HEATR1: variants seen among roughly 807,000 people sequenced by gnomAD.
HEATR1 encodes the protein HEAT repeat containing 1.
HEATR1 carries 77 observed loss-of-function variants against 248.2 expected under a neutral mutation model. That is an observed-to-expected ratio of 0.31 (90% CI 0.26 to 0.37). The LOEUF (loss-of-function observed/expected upper bound fraction) is 0.37. HEATR1 is among the 10% of genes least tolerant of loss of function. HEATR1 has a pLI of 1.00. For missense variants in HEATR1, 2,420 were observed against 2,504.9 expected, an observed-to-expected ratio of 0.97 and a Z score of 0.72; for synonymous variants, 897 against 923.1, an observed-to-expected ratio of 0.97 and a Z score of 0.51.
Position 236,590,830 on chromosome 1 carries a change from AG to A in HEATR1, c.1530+16del, listed in dbSNP as rs762338238. 7 of 1,364,530 alleles carry A rather than the reference AG, an allele frequency of 5.1e-6. No individual in the cohort carries two copies. In the African/African-American group the frequency reaches 1.0e-4, roughly 20 times the overall value. The allele number at this position is 1,364,530 out of a possible 1,614,324, so 84.5% of individuals were successfully genotyped here. On this transcript the variant is annotated intron_variant, in intron 12 of 44. Transcript: ENST00000366582. ...ATAAGAAAAAAAAACCATATAAAAA[AG>A]CGATCTGAAACAAACCTTTGATGTT...
chr1:236,557,765 G>A (rs1420622400), intron 36 of HEATR1, among the ~76,000 whole-genome samples: 1 of 152,172 alleles, frequency 6.6e-6, no homozygotes, highest in Non-Finnish European at 1.5e-5. Context: ...GGCAGCAGAA[G>A]GCAGCTTTGG....
intron 28 of HEATR1, among the ~76,000 whole-genome samples, chr1:236,570,645 T>G (rs1249566082): frequency 6.6e-6 from 1 of 152,174 alleles, no homozygotes; most frequent in African/African-American, 2.4e-5. Context: ...GTGAATTTTA[T>G]GGCATCTGAA....
intron 41 of HEATR1, 31 bp downstream of exon 41, chr1:236,555,265 G>T: frequency 2.5e-6 from 4 of 1,609,280 alleles, no homozygotes; most frequent in South Asian, 1.1e-5. Context: ...CACAGGGCAA[G>T]GGTGACAGCT....
chr1:236,571,841 A>G (rs557809226), intron 26 of HEATR1, among the ~76,000 whole-genome samples, 155 bp from the exon 27 acceptor site: 2 of 152,348 alleles, frequency 1.3e-5, no homozygotes, highest in East Asian at 3.9e-4. Flanking sequence ...TAGAAATAAG[A>G]TATAAGATTT....
rs1388035407 is a variant in HEATR1 at position 236,549,124 on chromosome 1, G to A, written c.*1778C>T. The stretch of plus-strand genomic sequence containing the variant: ...TAAGGGACCCACAAAGCAGGCAGAG[G>A]TAATGCAGAAATCTGTTTTGTTCCC... On this transcript the variant is annotated 3_prime_UTR_variant, in exon 45 of 45. Coordinates refer to ENST00000366582, the MANE Select transcript of HEATR1 (RefSeq NM_018072.6). 1 of 396,974 alleles carries A rather than the reference G, an allele frequency of 2.5e-6. No homozygotes were observed. Among genetic ancestry groups the A allele is most frequent in the African/African-American group, 2.1e-5 (1 of 48,610 alleles). 24.6% of individuals were successfully genotyped at this position (396,974 alleles called of 1,614,324 possible).
At chr1:236,575,609 T>C (rs76995872) in intron 22 of HEATR1, among the ~76,000 whole-genome samples, 3,750 of 152,318 alleles carry the variant, frequency 0.025, 143 homozygotes, top group African/African-American at 0.085. Context: ...TGTAATCAAA[T>C]GGTCTTCAAT....
rs1269595568 is a variant in HEATR1, at chr1:236,595,548, T to C, written c.1082A>G (p.His361Arg). ...LPHLVVSIIH[H>R]VTGEETEGMD... is the part of the protein sequence containing the mutation. ...AATATAAAACCACACACCTGTAACA[T>C]GATGAATGATGGAGACGACCAGATG... The change falls in exon 8 of 45, where the codon CAT becomes CGT. Residue 361 changes from histidine (H) to arginine (R), a missense_variant. By Grantham distance (29) the His-to-Arg change is conservative (BLOSUM62 0). Coordinates refer to ENST00000366582, the MANE Select transcript of HEATR1 (RefSeq NM_018072.6). The C allele has an allele frequency of 6.2e-7, 1 of 1,611,246 alleles. No homozygotes were observed.
chr1:236,563,745 T>C (rs1425381622), intron 32 of HEATR1, among the ~76,000 whole-genome samples: 1 of 152,192 alleles, frequency 6.6e-6, no homozygotes, highest in Non-Finnish European at 1.5e-5. Context: ...TTTCCTTCCT[T>C]TTCTCTCATT....
chr1:236,565,956 G>A lies in HEATR1; in HGVS notation c.4398C>T (p.Ile1466=). 6.2e-7 allele frequency: 1 copy of A among 1,613,826 alleles called. No individual in the cohort carries two copies. The highest frequency in any genetic ancestry group is 8.5e-7 in the Non-Finnish European group (1 of 1,179,880). The change falls in exon 31 of 45, where the codon ATC becomes ATT. Residue 1466 remains isoleucine (I), a synonymous_variant. Coordinates refer to ENST00000366582, the MANE Select transcript of HEATR1 (RefSeq NM_018072.6). ...VQHQIQSLMN[I]LQYLLKLPEE... Reference sequence around the variant, plus strand: ...CTGGCAGCTTTAGTAAGTACTGGAGGATATTCATCAAGCTTTGTATCTGAT... The same window carrying A: ...CTGGCAGCTTTAGTAAGTACTGGAGAATATTCATCAAGCTTTGTATCTGAT...
intron 20 of HEATR1, 50 bp from the exon 21 acceptor site, chr1:236,576,999 C>T: frequency 6.9e-7 from 1 of 1,444,652 alleles, no homozygotes; most frequent in South Asian, 1.4e-5. Flanking sequence ...AAAACTGAAA[C>T]AGTACAAAAT....
At chr1:236,572,321 A>G (rs1663450829) in intron 26 of HEATR1, 90 bp downstream of exon 26, 1 of 1,358,326 alleles carries the variant, frequency 7.4e-7, no homozygotes, top group Non-Finnish European at 1.0e-6. Context: ...TATCTAAACA[A>G]GAGAAGAGTA....
chr1:236,594,241 T>A, intron 8 of HEATR1, 127 bp from the exon 9 acceptor site: 1 of 579,034 alleles, frequency 1.7e-6, no homozygotes, highest in Non-Finnish European at 3.0e-6. Context: ...GCTTTTTATC[T>A]ATTTGCACAA....
At chr1:236,554,525 A>G in intron 42 of HEATR1, 73 bp downstream of exon 42, 1 of 1,311,714 alleles carries the variant, frequency 7.6e-7, no homozygotes, top group Non-Finnish European at 1.1e-6. Flanking sequence ...CTGTCATTTG[A>G]GCAGATCTAA....
At chr1:236,600,013 C>A (rs931004943) in intron 3 of HEATR1, among the ~76,000 whole-genome samples, 13 of 151,080 alleles carry the variant, frequency 8.6e-5, no homozygotes. Context: ...CCACCTAGGT[C>A]TCCTGAGTAG....
At chr1:236,563,366 A>C (rs552585017) in intron 32 of HEATR1, among the ~76,000 whole-genome samples, 6 of 151,818 alleles carry the variant, frequency 4.0e-5, no homozygotes, top group East Asian at 3.9e-4. Context: ...ACTGCAAGCT[A>C]TGCCTCCCGG....
chr1:236,586,275 G>A lies in HEATR1; in HGVS notation c.1893C>T (p.Cys631=). Residue 631 remains cysteine, a synonymous_variant, in exon 15 of 45, where the codon TGC becomes TGT. Transcript: ENST00000366582. ...IAIYLSKSGI[C]SLHPLLRGWE... is the part of the protein sequence containing the mutation. ...AGCCTCTTAATAGAGGGTGCAGGGA[G>A]CAGATTCCTGATTTTGATAAATATA... 14 of 1,612,892 alleles carry A rather than the reference G, an allele frequency of 8.7e-6. No homozygotes were observed. The highest frequency in any genetic ancestry group is 1.2e-5 in the Non-Finnish European group (14 of 1,179,478).
At chr1:236,592,286 A>G (rs1664058717) in intron 10 of HEATR1, among the ~76,000 whole-genome samples, 176 bp from the exon 11 acceptor site, 1 of 152,060 alleles carries the variant, frequency 6.6e-6, no homozygotes, top group South Asian at 2.1e-4. Context: ...TACTATGACT[A>G]CTCCAATAAC....
At chr1:236,552,365 TTTTATAATCTCTTCCTTTAAAAAAAA>T (rs1315206154) in intron 43 of HEATR1, 4 of 251,780 alleles carry the variant, frequency 1.6e-5, no homozygotes, top group Non-Finnish European at 3.0e-5. Flanking sequence ...TGAAATGTCT[TTTTATAATCTCTTCCTTTAAAAAAAA>T]CCAATAAAAT....
Position 236,559,144 on chromosome 1 carries a change from A to C in HEATR1, c.4771-9T>G. On this transcript the variant is annotated splice_polypyrimidine_tract_variant and intron_variant, in intron 34 of 44. Transcript: ENST00000366582. ...GGCAGCAAGGCATTGACCTAAAGAG[A>C]AATTTTATATTTAACATGAAAAGAA... 3.2e-6 allele frequency: 5 copies of C among 1,544,084 alleles called. No homozygotes were observed. Among genetic ancestry groups the C allele is most frequent in the Non-Finnish European group, 4.3e-6 (5 of 1,151,296 alleles).
Sources: gnomAD v4.1 joint callset for allele counts (sites outside exome capture counted in the v4.1 genomes callset) on GRCh38, gnomAD v4.1.1 for gene constraint, MANE v1.5 for transcripts, NCBI Gene and HGNC (gene_info 2026-07-23, HGNC 2026-07-21) for gene names.